The following CRTC3 variants were observed in gnomAD, a reference collection of about 807,000 sequenced individuals.
CRTC3 encodes the protein CREB regulated transcription coactivator 3.
Under a neutral mutation model 74.5 loss-of-function variants are expected in CRTC3, and 26 were observed. The ratio of observed to expected loss-of-function variants is 0.35; its 90% confidence interval spans 0.26 to 0.48. CRTC3 has a LOEUF of 0.48. Ranked by LOEUF, CRTC3 falls within the 20% of genes least tolerant of loss-of-function variation. The pLI, the probability that CRTC3 is intolerant of heterozygous loss-of-function variation, is 0.99. For synonymous variants in CRTC3, 377 were observed against 325.8 expected (o/e 1.16, Z -1.69); for missense variants, 760 against 787.3 (o/e 0.97, Z 0.41).
intron 1 of CRTC3, among the ~76,000 whole-genome samples, chr15:90,532,808 C>T (rs958681687): frequency 6.6e-6 from 1 of 152,112 alleles, no homozygotes; most frequent in African/African-American, 2.4e-5. Flanking sequence ...AAAGTGGGGT[C>T]GGGCGTGGTG....
chr15:90,641,029 T>C lies in CRTC3; in HGVS notation c.1549-68T>C, dbSNP rs1438341247. The C allele has an allele frequency of 4.0e-6, 4 of 1,011,594 alleles. No homozygotes were observed. In the Admixed American group the frequency reaches 5.4e-5, roughly 14 times the overall value. The allele number at this position is 1,011,594 out of a possible 1,614,324, so 62.7% of individuals were successfully genotyped here. On this transcript the variant is annotated intron_variant, in intron 13 of 14. Coordinates refer to ENST00000268184, the MANE Select transcript of CRTC3 (RefSeq NM_022769.5). Reference sequence around the variant, plus strand: ...AGTCAGGTTTTGCTCTGGGAGCACATTGCAATACTCACTTCCTCCTTGGAA... The same window carrying C: ...AGTCAGGTTTTGCTCTGGGAGCACACTGCAATACTCACTTCCTCCTTGGAA...
chr15:90,598,466 G>A (rs1967985934), intron 3 of CRTC3: 1 of 702,880 alleles, frequency 1.4e-6, no homozygotes, highest in Non-Finnish European at 2.6e-6. Flanking sequence ...AGGAACAGCA[G>A]TCCCTGTGTT....
intron 3 of CRTC3, chr15:90,598,762 C>G (rs753667422): frequency 1.9e-6 from 1 of 518,942 alleles, no homozygotes; most frequent in African/African-American, 1.9e-5. Context: ...CTGTTGGGAG[C>G]TGGAGGTGTC....
chr15:90,552,615 T>C (rs748745178), intron 2 of CRTC3, among the ~76,000 whole-genome samples: 4 of 152,242 alleles, frequency 2.6e-5, no homozygotes, highest in Non-Finnish European at 5.9e-5. Context: ...GTTTGAGTCC[T>C]GGTTCTGCCA....
At chr15:90,628,076 G>T (rs1269908371) in intron 10 of CRTC3, among the ~76,000 whole-genome samples, 1 of 151,108 alleles carries the variant, frequency 6.6e-6, no homozygotes, top group Non-Finnish European at 1.5e-5. Flanking sequence ...AATTAACCAG[G>T]CGTGGCGGCA....
In CRTC3 at chr15:90,604,588, T is replaced by C. The variant is rs1428599122; in HGVS notation, c.476+141T>C. On this transcript the variant is annotated intron_variant, in intron 5 of 14. Transcript: ENST00000268184. ...TGTTCAAAACAAAACCCACCATTTT[T>C]TGAGTGTCTACAGGGGAAAGTATAG... 4 of 666,642 alleles carry C rather than the reference T, an allele frequency of 6.0e-6. No individual in the cohort carries two copies. The East Asian group carries it at 8.3e-5, about 14-fold the overall frequency. 41.3% of individuals were successfully genotyped at this position (666,642 alleles called of 1,614,324 possible).
chr15:90,639,929 G>T (rs2151098486), intron 13 of CRTC3, among the ~76,000 whole-genome samples: 1 of 152,070 alleles, frequency 6.6e-6, no homozygotes, highest in Admixed American at 6.5e-5. Flanking sequence ...GGCACCTGTA[G>T]TCCCAGCTAC....
intron 1 of CRTC3, among the ~76,000 whole-genome samples, chr15:90,532,875 A>T (rs946737951): frequency 6.6e-6 from 1 of 151,572 alleles, no homozygotes; most frequent in Admixed American, 6.6e-5. Context: ...TCACGAGGTC[A>T]AGAGATCGAG....
intron 13 of CRTC3, among the ~76,000 whole-genome samples, chr15:90,639,435 C>T (rs1173633225): frequency 6.7e-6 from 1 of 148,512 alleles, no homozygotes; most frequent in East Asian, 2.0e-4. Flanking sequence ...AAGGGTTGAA[C>T]AGGTTCCAGA....
intron 10 of CRTC3, among the ~76,000 whole-genome samples, chr15:90,626,237 C>T (rs958836544): frequency 6.6e-6 from 1 of 152,202 alleles, no homozygotes. Context: ...CTGCTCTATC[C>T]AGGGACTTGG....
intron 6 of CRTC3, among the ~76,000 whole-genome samples, chr15:90,609,057 G>C (rs1180027514): frequency 6.6e-6 from 1 of 152,212 alleles, no homozygotes; most frequent in Non-Finnish European, 1.5e-5. Context: ...AATGGCCTCT[G>C]TTCCTTCCAG....
chr15:90,544,082 G>A (rs754604498), intron 2 of CRTC3, among the ~76,000 whole-genome samples: 8 of 152,166 alleles, frequency 5.3e-5, no homozygotes, highest in Non-Finnish European at 8.8e-5. Flanking sequence ...ATTTTCTCAT[G>A]TTCTCATGTT....
In CRTC3 at chr15:90,619,757, G is replaced by T. The variant is rs755107523; in HGVS notation, c.716G>T (p.Gly239Val). ...TCTTCTCAGATTCAGTCCCTGTCAGGACGCCCTCGATCCTGTGATGTTGGA... is the reference window on the plus strand; with the variant it reads ...TCTTCTCAGATTCAGTCCCTGTCAGTACGCCCTCGATCCTGTGATGTTGGA... Reference protein sequence around the residue: ...WETKEIQSLSGRPRSCDVGGG... With the variant: ...WETKEIQSLSVRPRSCDVGGG... The change falls in exon 9 of 15, where the codon GGA becomes GTA. Residue 239 changes from glycine to valine, a missense_variant. Around this residue, in one of 2 missense-constraint regions of CRTC3, gnomAD observed 652 missense variants for 635.2 expected, o/e 1.03. Transcript: ENST00000268184. The T allele has an allele frequency of 1.2e-6, 2 of 1,613,830 alleles. No homozygotes were observed. The highest frequency in any genetic ancestry group is 1.7e-5 in the Admixed American group (1 of 59,984).
At chr15:90,612,879 CT>C (rs559965747) in intron 6 of CRTC3, among the ~76,000 whole-genome samples, 354 of 152,176 alleles carry the variant, frequency 2.3e-3, no homozygotes, top group African/African-American at 8.1e-3. Flanking sequence ...CAAGGACCTT[CT>C]GCAATAGAGT....
chr15:90,549,889 A>C (rs1037462559), intron 2 of CRTC3, among the ~76,000 whole-genome samples: 1 of 150,096 alleles, frequency 6.7e-6, no homozygotes, highest in African/African-American at 2.4e-5. Flanking sequence ...TTTTTAGTAG[A>C]GACAGGGTTT....
chr15:90,631,762 G>C (rs1352359335), intron 11 of CRTC3, among the ~76,000 whole-genome samples: 1 of 150,320 alleles, frequency 6.7e-6, no homozygotes, highest in South Asian at 2.1e-4. Context: ...AAAAAGAAAA[G>C]AAAGAAATAG....
intron 2 of CRTC3, among the ~76,000 whole-genome samples, chr15:90,568,660 A>C (rs1191314886): frequency 1.1e-4 from 17 of 152,144 alleles, no homozygotes; most frequent in Admixed American, 1.1e-3. Flanking sequence ...AACAAGTTCT[A>C]TTGTGGGTAA....
At chr15:90,617,757 C>T (rs1968531151) in intron 7 of CRTC3, 126 bp from the exon 8 acceptor site, 1 of 629,286 alleles carries the variant, frequency 1.6e-6, no homozygotes. Context: ...TCTCAAACTC[C>T]TGGGCTCAAG....
intron 9 of CRTC3, among the ~76,000 whole-genome samples, chr15:90,623,164 C>T (rs1226028335): frequency 2.0e-5 from 3 of 152,158 alleles, no homozygotes; most frequent in Admixed American, 6.5e-5. Context: ...TTTGTGGAGG[C>T]CTTTCTCTGC....
Sources: allele counts gnomAD v4.1 joint callset (sites outside exome capture counted in the v4.1 genomes callset), GRCh38; gene constraint gnomAD v4.1.1; regional missense constraint gnomAD v4.1.1; transcripts MANE v1.5; gene names NCBI Gene and HGNC (gene_info 2026-07-23, HGNC 2026-07-21).